The following RORA variants were observed in gnomAD, a reference collection of about 807,000 sequenced individuals.
RORA encodes RAR related orphan receptor A, also known as nuclear receptor ROR-alpha.
In RORA, 7 loss-of-function variants were observed where a neutral mutation model predicts 69.5. The ratio of observed to expected loss-of-function variants is 0.10; its 90% CI spans 0.06 to 0.19. RORA has a LOEUF of 0.19. Among genes scored for constraint, RORA ranks in the 10% least tolerant of loss-of-function variants. The pLI, the probability that RORA is intolerant of heterozygous loss-of-function variation, is 1.00. For synonymous variants in RORA, 261 were observed against 240.8 expected (o/e 1.08, Z -0.78); for missense variants, 457 against 663.0 (o/e 0.69, Z 3.41).
At chr15:61,038,971 T>C (rs1003968045) in intron 1 of RORA, 1 of 152,026 alleles carries the variant, frequency 6.6e-6, no homozygotes, top group Non-Finnish European at 1.5e-5. Context: ...GGCAAGAGGG[T>C]AAAGGGATAT....
intron 1 of RORA, among the ~76,000 whole-genome samples, chr15:60,700,552 C>T (rs2070967644): frequency 6.7e-6 from 1 of 149,740 alleles, no homozygotes; most frequent in Non-Finnish European, 1.5e-5. Context: ...GGGGAAAGAA[C>T]AGCCCAGTAG....
chr15:61,055,935 G>C lies in RORA; in HGVS notation c.166+173118C>G, dbSNP rs564615478. Among the ~76,000 whole-genome samples, 39 of 152,260 alleles carry C rather than the reference G, an allele frequency of 2.6e-4. 2 individuals are homozygous for C. In the South Asian group the frequency reaches 5.2e-3, roughly 20 times the overall value. ...GAAGCAGTAACTCCAGTTTGGTCAA[G>C]GTAACTAGTGTTATTGAAAAGCATG... On this transcript the variant is annotated intron_variant, in intron 1 of 10. Coordinates refer to ENST00000335670, the MANE Select transcript of RORA (RefSeq NM_134261.3).
intron 1 of RORA, among the ~76,000 whole-genome samples, chr15:60,920,659 A>T (rs117902878): frequency 0.028 from 4,261 of 152,348 alleles, 78 homozygotes; most frequent in Non-Finnish European, 0.042. Flanking sequence ...ATTACAATAG[A>T]TATTGTTCAT....
chr15:60,597,610 A>G (rs1280861187), intron 2 of RORA, among the ~76,000 whole-genome samples: 1 of 47,980 alleles, frequency 2.1e-5, no homozygotes, highest in African/African-American at 1.0e-4. Context: ...ATATATATAT[A>G]TATATATACA....
rs192168757 is a variant in RORA at position 61,060,172 on chromosome 15, G to C, written c.166+168881C>G. On this transcript the variant is annotated intron_variant, in intron 1 of 10. Coordinates refer to ENST00000335670, the MANE Select transcript of RORA (RefSeq NM_134261.3). ...GGTTCCAGATCTCAGTCAAACCCAG[G>C]AAATGAATAGATTGTAAACTAAATC... 1.6e-3 allele frequency among the ~76,000 whole-genome samples: 251 copies of C among 152,292 alleles called. 2 individuals carry two copies. The highest frequency in any genetic ancestry group is 1.5e-3 in the Non-Finnish European group (104 of 68,018).
At chr15:60,517,590 GC>G (rs1277249456) in intron 3 of RORA, among the ~76,000 whole-genome samples, 2 of 152,106 alleles carry the variant, frequency 1.3e-5, no homozygotes, top group Admixed American at 1.3e-4. Flanking sequence ...GGTCACAGAG[GC>G]AGATAATCCT....
intron 2 of RORA, chr15:60,592,946 A>T (rs2068581035): frequency 2.2e-6 from 1 of 455,432 alleles, no homozygotes; most frequent in Admixed American, 2.4e-5. Context: ...CTCGGGGGCG[A>T]TAAATGCGCC....
chr15:60,574,369 C>T (rs2067967020), intron 2 of RORA, among the ~76,000 whole-genome samples: 1 of 152,194 alleles, frequency 6.6e-6, no homozygotes, highest in African/African-American at 2.4e-5. Context: ...AATAGCAGGG[C>T]TTGGAAAATG....
At chr15:60,695,570 C>T (rs947088354) in intron 1 of RORA, among the ~76,000 whole-genome samples, 14 of 151,840 alleles carry the variant, frequency 9.2e-5, no homozygotes, top group Admixed American at 7.2e-4. Flanking sequence ...TCTTTATTTA[C>T]GTACATAAAA....
At chr15:61,092,044 G>T (rs1275605052) in intron 1 of RORA, among the ~76,000 whole-genome samples, 2 of 152,200 alleles carry the variant, frequency 1.3e-5, no homozygotes, top group African/African-American at 4.8e-5. Flanking sequence ...GCTAAAGTTG[G>T]TCTATGCAAT....
rs146351726 is a variant in RORA, at chr15:61,154,917, G to A, written c.166+74136C>T. 3.3e-4 allele frequency among the ~76,000 whole-genome samples: 50 copies of A among 152,266 alleles called. No individual in the cohort carries two copies. The East Asian group carries it at 9.1e-3, about 28-fold the overall frequency. On this transcript the variant is annotated intron_variant, in intron 1 of 10. Transcript: ENST00000335670. ...TCGCATTGTGAAAGGGAGGTCACCCGGGCAAGGAGTATTTCTTTGGGCACA... is the reference window on the plus strand; with the variant it reads ...TCGCATTGTGAAAGGGAGGTCACCCAGGCAAGGAGTATTTCTTTGGGCACA...
chr15:60,651,317 A>G (rs1833572785), intron 2 of RORA, among the ~76,000 whole-genome samples: 1 of 152,164 alleles, frequency 6.6e-6, no homozygotes, highest in Non-Finnish European at 1.5e-5. Flanking sequence ...AGATGTATCA[A>G]ATCTCATATA....
At chr15:61,216,568 G>C (rs931960576) in intron 1 of RORA, among the ~76,000 whole-genome samples, 37 of 152,224 alleles carry the variant, frequency 2.4e-4, no homozygotes, top group African/African-American at 8.7e-4. Flanking sequence ...TTGGTGAAAA[G>C]TGAAGTCTCT....
In RORA at chr15:60,511,027, A is replaced by G. The variant is rs1381466092; in HGVS notation, c.820+199T>C. 6.6e-6 allele frequency among the ~76,000 whole-genome samples: 1 copy of G among 152,200 alleles called. No individual in the cohort carries two copies. Among genetic ancestry groups the G allele is most frequent in the Non-Finnish European group, 1.5e-5 (1 of 68,030 alleles). On this transcript the variant is annotated intron_variant, in intron 5 of 10. Coordinates refer to ENST00000335670, the MANE Select transcript of RORA (RefSeq NM_134261.3). This position sits in a 1 kb window ranked among gnomAD's most constrained non-coding sequence, Gnocchi z 6.4. ...GTTTTGCCCCATTTCTAATGCTGAG[A>G]GGTCAATGCATGTATTGGATAAACC...
At chr15:60,940,429 T>G (rs982079160) in intron 1 of RORA, among the ~76,000 whole-genome samples, 3 of 152,216 alleles carry the variant, frequency 2.0e-5, no homozygotes, top group African/African-American at 7.2e-5. Context: ...ATTATTGTAT[T>G]TAGATAAAAC....
chr15:60,675,729 C>A (rs1163939296), intron 2 of RORA, among the ~76,000 whole-genome samples: 1 of 152,188 alleles, frequency 6.6e-6, no homozygotes, highest in African/African-American at 2.4e-5. Context: ...AATACCTGTG[C>A]TTTCCAGATA....
chr15:60,895,941 C>G (rs113278930), intron 1 of RORA, among the ~76,000 whole-genome samples: 2,853 of 152,298 alleles, frequency 0.019, 92 homozygotes, highest in African/African-American at 0.063. Flanking sequence ...TAGAAAAAAG[C>G]AAACACTGCT....
rs565216799 is a variant in RORA, at chr15:60,488,516, A to T, written c.*8939T>A. 4.6e-5 allele frequency: 7 copies of T among 151,884 alleles called. No homozygotes were observed. The highest frequency in any genetic ancestry group is 1.9e-4 in the East Asian group (1 of 5,186). 9.4% of individuals were successfully genotyped at this position (151,884 alleles called of 1,614,324 possible). A position where few individuals can be genotyped will look rare whatever the true frequency, so the allele number is the denominator to read the frequency against. ...AAATGAATCAAAATATTTTTTTTTT[A>T]AATTCAGGACTCAATAAAATAAACA... is the stretch of plus-strand genomic sequence containing the variant. On this transcript the variant is annotated 3_prime_UTR_variant, in exon 11 of 11. Transcript: ENST00000335670.
chr15:60,997,167 G>A (rs1894577408), intron 1 of RORA, among the ~76,000 whole-genome samples: 1 of 152,088 alleles, frequency 6.6e-6, no homozygotes, highest in Non-Finnish European at 1.5e-5. Context: ...CTGGGAGCTT[G>A]GAGGGGAGGG....
Sources: gnomAD v4.1 joint callset for allele counts (sites outside exome capture counted in the v4.1 genomes callset) on GRCh38, gnomAD v4.1.1 for gene constraint, Gnocchi (gnomAD v3.1) non-coding constraint, MANE v1.5 for transcripts, NCBI Gene and HGNC (gene_info 2026-07-23, HGNC 2026-07-21) for gene names.